The following MAML3 variants were observed in gnomAD, a reference collection of about 807,000 sequenced individuals.
MAML3 encodes mastermind like transcriptional coactivator 3.
Under a neutral mutation model 101.9 loss-of-function variants are expected in MAML3, and 27 were observed. The ratio of observed to expected loss-of-function variants is 0.27; its 90% CI spans 0.20 to 0.37. The LOEUF (loss-of-function observed/expected upper bound fraction) is 0.37. MAML3 is among the 10% of genes least tolerant of loss of function. MAML3 has a pLI of 1.00. For missense variants in MAML3, 1,316 were observed against 1,444.9 expected, an observed-to-expected ratio of 0.91 and a Z score of 1.45; for synonymous variants, 501 against 555.9, an observed-to-expected ratio of 0.90 and a Z score of 1.39.
chr4:139,739,443 G>C (rs1279665484), intron 2 of MAML3, among the ~76,000 whole-genome samples: 1 of 152,218 alleles, frequency 6.6e-6, no homozygotes, highest in Non-Finnish European at 1.5e-5. Flanking sequence ...GTCTGCCTTT[G>C]ATGTAAGTTA....
At chr4:139,744,930 G>A (rs781392293) in intron 2 of MAML3, among the ~76,000 whole-genome samples, 3 of 152,212 alleles carry the variant, frequency 2.0e-5, no homozygotes, top group Admixed American at 6.5e-5. Context: ...ATGAGTTCTA[G>A]GCAGTGTTTG....
At chr4:140,034,118 T>A (rs1726947986) in intron 1 of MAML3, among the ~76,000 whole-genome samples, 1 of 152,186 alleles carries the variant, frequency 6.6e-6, no homozygotes, top group Admixed American at 6.5e-5. Flanking sequence ...TTCACAAGAA[T>A]TCCATGAGGT....
Position 140,153,377 on chromosome 4 carries a change from C to T in MAML3, c.-50G>A, listed in dbSNP as rs1266362937. ...GGAAGAACTTTTTTTATCCACCCCC[C>T]TATCAGCCTCCTCCTTGGGTCCAAG... is the stretch of plus-strand genomic sequence containing the variant. On this transcript the variant is annotated 5_prime_UTR_variant, in exon 1 of 5. Coordinates refer to ENST00000509479, the MANE Select transcript of MAML3 (RefSeq NM_018717.5). 1 of 1,506,752 alleles carries T rather than the reference C, an allele frequency of 6.6e-7. No individual in the cohort carries two copies. Among genetic ancestry groups the T allele is most frequent in the African/African-American group, 1.4e-5 (1 of 71,818 alleles). The allele number at this position is 1,506,752 out of a possible 1,614,324, so 93.3% of individuals were successfully genotyped here.
intron 1 of MAML3, among the ~76,000 whole-genome samples, chr4:140,078,465 G>T (rs1727811813): frequency 6.6e-6 from 1 of 152,122 alleles, no homozygotes; most frequent in South Asian, 2.1e-4. Context: ...TGTGACACCA[G>T]CGATGTTGTG....
At chr4:140,120,914 T>C (rs1728597255) in intron 1 of MAML3, among the ~76,000 whole-genome samples, 1 of 152,188 alleles carries the variant, frequency 6.6e-6, no homozygotes, top group Admixed American at 6.5e-5. Flanking sequence ...AGTGGTTTTA[T>C]GGAAAATGTA....
intron 1 of MAML3, among the ~76,000 whole-genome samples, chr4:139,975,252 A>C (rs1010136494): frequency 2.6e-5 from 4 of 152,072 alleles, no homozygotes; most frequent in African/African-American, 9.7e-5. Flanking sequence ...CTCATATACC[A>C]GGCACACTTC....
At chr4:140,069,032 T>C (rs1202360213) in intron 1 of MAML3, among the ~76,000 whole-genome samples, 1 of 152,054 alleles carries the variant, frequency 6.6e-6, no homozygotes, top group African/African-American at 2.4e-5. Flanking sequence ...CTGAAAAAGG[T>C]GAAAAAGAAC....
intron 1 of MAML3, among the ~76,000 whole-genome samples, chr4:139,978,362 G>T (rs189855962): frequency 1.3e-4 from 20 of 152,232 alleles, no homozygotes; most frequent in Admixed American, 3.9e-4. Context: ...CCAAGGCCCA[G>T]ATTGCATTAG....
Position 139,912,489 on chromosome 4 carries a change from C to T in MAML3, c.469-21522G>A, listed in dbSNP as rs972006114. ...CTAGGCACTGTTGTGGGTTAAATTG[C>T]GTCCTCCCCAGCAAAATGATATATT... On this transcript the variant is annotated intron_variant, in intron 1 of 4. Coordinates refer to ENST00000509479, the MANE Select transcript of MAML3 (RefSeq NM_018717.5). Among the ~76,000 whole-genome samples, 10 of 152,316 alleles carry T rather than the reference C, an allele frequency of 6.6e-5. 1 individual carries two copies. The South Asian group carries it at 1.5e-3, about 22-fold the overall frequency.
chr4:140,004,069 C>T (rs1726394147), intron 1 of MAML3, among the ~76,000 whole-genome samples: 1 of 152,212 alleles, frequency 6.6e-6, no homozygotes, highest in Admixed American at 6.5e-5. Flanking sequence ...TGCACCAAGC[C>T]CTTAATGCTT....
At chr4:140,021,589 TTTTC>T (rs371297172) in intron 1 of MAML3, among the ~76,000 whole-genome samples, 9 of 152,190 alleles carry the variant, frequency 5.9e-5, no homozygotes, top group African/African-American at 9.7e-5. Flanking sequence ...ACCTAATTTT[TTTTC>T]CTTATTTTTA....
intron 1 of MAML3, among the ~76,000 whole-genome samples, chr4:140,023,189 G>C (rs1383553289): frequency 6.6e-6 from 1 of 152,178 alleles, no homozygotes; most frequent in Admixed American, 6.5e-5. Context: ...ACCAGGAAGA[G>C]AGCAAATCAA....
chr4:139,862,045 C>T (rs1203568414), intron 2 of MAML3, among the ~76,000 whole-genome samples: 1 of 152,056 alleles, frequency 6.6e-6, no homozygotes, highest in East Asian at 1.9e-4. Flanking sequence ...CCTGTCTCTA[C>T]TAAAAATACA....
chr4:139,808,837 G>A (rs1390567113), intron 2 of MAML3, among the ~76,000 whole-genome samples: 1 of 152,196 alleles, frequency 6.6e-6, no homozygotes, highest in African/African-American at 2.4e-5. Flanking sequence ...CCCAGTGTGA[G>A]CAACTCCTCT....
intron 1 of MAML3, among the ~76,000 whole-genome samples, chr4:139,909,162 T>G (rs1242720787): frequency 6.6e-6 from 1 of 152,182 alleles, no homozygotes; most frequent in African/African-American, 2.4e-5. Flanking sequence ...GTTAAACTTT[T>G]CTGTACCTCA....
chr4:139,900,845 G>A (rs1480564476), intron 1 of MAML3, among the ~76,000 whole-genome samples: 3 of 152,186 alleles, frequency 2.0e-5, no homozygotes, highest in Non-Finnish European at 4.4e-5. Flanking sequence ...TTGACTGAGA[G>A]CTAACCAGCC....
Position 140,111,898 on chromosome 4 carries a change from T to C in MAML3, c.468+40962A>G, listed in dbSNP as rs1378837787. On this transcript the variant is annotated intron_variant, in intron 1 of 4. Coordinates refer to ENST00000509479, the MANE Select transcript of MAML3 (RefSeq NM_018717.5). ...ATGTCAGTGGCCCCAACCCTCACCCTTGCCCTCCTCAGTAGTTCTTTGTCT... is the reference window on the plus strand; with the variant it reads ...ATGTCAGTGGCCCCAACCCTCACCCCTGCCCTCCTCAGTAGTTCTTTGTCT... Among the ~76,000 whole-genome samples, 6 of 152,348 alleles carry C rather than the reference T, an allele frequency of 3.9e-5. No homozygotes were observed. The East Asian group carries it at 1.2e-3, about 29-fold the overall frequency.
intron 1 of MAML3, among the ~76,000 whole-genome samples, chr4:140,038,121 G>A (rs961041290): frequency 4.6e-5 from 7 of 152,184 alleles, no homozygotes; most frequent in East Asian, 1.9e-4. Flanking sequence ...ATTCTACATG[G>A]GTGAAGAAGA....
At chr4:139,973,460 GTC>G (rs751182879) in intron 1 of MAML3, among the ~76,000 whole-genome samples, 17 of 152,198 alleles carry the variant, frequency 1.1e-4, no homozygotes, top group Non-Finnish European at 2.4e-4. Flanking sequence ...GTTTGGGCGG[GTC>G]TACGTCGTAA....
Sources: allele counts gnomAD v4.1 joint callset (sites outside exome capture counted in the v4.1 genomes callset), GRCh38; gene constraint gnomAD v4.1.1; transcripts MANE v1.5; gene names NCBI Gene and HGNC (gene_info 2026-07-23, HGNC 2026-07-21).